Variants in SPAG16 observed in about 807,000 individuals in gnomAD.
SPAG16 encodes the protein sperm-associated antigen 16 protein.
A neutral mutation model predicts 80.4 loss-of-function variants in SPAG16; 86 were observed. That is an observed-to-expected ratio of 1.07 (90% CI 0.90 to 1.28). The LOEUF is 1.28. Ranked by LOEUF, SPAG16 falls within the 50% of genes most tolerant of loss-of-function variation. The pLI, the probability that SPAG16 is intolerant of heterozygous loss-of-function variation, is 0.00. For synonymous variants in SPAG16, 294 were observed against 265.9 expected (o/e 1.11, Z -1.03); for missense variants, 870 against 765.3 (o/e 1.14, Z -1.61).
At chr2:213,495,291 A>G (rs2074433439) in intron 10 of SPAG16, among the ~76,000 whole-genome samples, 1 of 152,190 alleles carries the variant, frequency 6.6e-6, no homozygotes, top group Non-Finnish European at 1.5e-5. Context: ...TTCACTGTTG[A>G]CTTTGAAAGT....
intron 13 of SPAG16, among the ~76,000 whole-genome samples, chr2:214,061,983 A>ACG (rs2050282097): frequency 1.4e-4 from 10 of 70,250 alleles, no homozygotes; most frequent in South Asian, 3.7e-4. Flanking sequence ...AAAAGCATGC[A>ACG]CACACACACA....
chr2:214,112,366 T>G (rs2053709253), intron 14 of SPAG16, among the ~76,000 whole-genome samples: 1 of 152,106 alleles, frequency 6.6e-6, no homozygotes, highest in African/African-American at 2.4e-5. Flanking sequence ...TGGATATCCT[T>G]GTTAACCTTC....
At chr2:213,730,842 G>A (rs1559417410) in intron 10 of SPAG16, among the ~76,000 whole-genome samples, 1 of 151,728 alleles carries the variant, frequency 6.6e-6, no homozygotes, top group African/African-American at 2.4e-5. Flanking sequence ...TCAATGTTGT[G>A]TTGTTTTGTT....
At chr2:213,446,267 G>A (rs115247888) in intron 9 of SPAG16, among the ~76,000 whole-genome samples, 2,201 of 152,298 alleles carry the variant, frequency 0.014, 23 homozygotes, top group South Asian at 0.038. Flanking sequence ...TGAAATGACA[G>A]ACATTGGTTC....
At chr2:214,395,049 CTTTTT>C (rs1015010257) in intron 15 of SPAG16, among the ~76,000 whole-genome samples, 2 of 151,930 alleles carry the variant, frequency 1.3e-5, no homozygotes, top group Non-Finnish European at 1.5e-5. Context: ...TAGCTCATTT[CTTTTT>C]ATCACTGAAG....
chr2:213,788,931 A>G (rs1031625824), intron 10 of SPAG16, among the ~76,000 whole-genome samples: 1 of 151,884 alleles, frequency 6.6e-6, no homozygotes, highest in African/African-American at 2.4e-5. Flanking sequence ...TATTAATTCT[A>G]AGTAGTATAA....
At chr2:213,889,105 C>T (rs1460424971) in intron 11 of SPAG16, among the ~76,000 whole-genome samples, 1 of 151,586 alleles carries the variant, frequency 6.6e-6, no homozygotes, top group Non-Finnish European at 1.5e-5. Context: ...GGTATATTTC[C>T]AAATCTTAAA....
intron 10 of SPAG16, among the ~76,000 whole-genome samples, chr2:213,622,990 G>A (rs941884806): frequency 6.6e-6 from 1 of 152,100 alleles, no homozygotes; most frequent in Non-Finnish European, 1.5e-5. Flanking sequence ...CCTTCCATTT[G>A]TTCTTCACAA....
chr2:214,385,375 A>C (rs1297468357), intron 15 of SPAG16, among the ~76,000 whole-genome samples: 1 of 152,234 alleles, frequency 6.6e-6, no homozygotes, highest in Non-Finnish European at 1.5e-5. Flanking sequence ...CTTATATATC[A>C]GTATCTCATT....
At chr2:213,815,538 T>C (rs1442750833) in intron 10 of SPAG16, among the ~76,000 whole-genome samples, 1 of 152,144 alleles carries the variant, frequency 6.6e-6, no homozygotes, top group East Asian at 1.9e-4. Flanking sequence ...ATTGTGGAAA[T>C]TTTATACAAT....
chr2:213,560,782 A>G (rs2059576492), intron 10 of SPAG16, among the ~76,000 whole-genome samples: 1 of 152,170 alleles, frequency 6.6e-6, no homozygotes. Context: ...TAGTTAGTAA[A>G]AGTTCAGCTT....
chr2:213,945,380 C>G (rs953743692), intron 12 of SPAG16, among the ~76,000 whole-genome samples: 4 of 150,890 alleles, frequency 2.7e-5, no homozygotes, highest in Non-Finnish European at 5.9e-5. Flanking sequence ...CTTACACAAT[C>G]ACAAGGTCCC....
At chr2:213,314,961 T>G (rs2126129018) in intron 4 of SPAG16, among the ~76,000 whole-genome samples, 1 of 151,676 alleles carries the variant, frequency 6.6e-6, no homozygotes, top group East Asian at 1.9e-4. Flanking sequence ...TATGGGGGGG[T>G]CCTCTTGCTC....
rs989427462 is a variant in SPAG16 at position 213,908,554 on chromosome 2, C to T, written c.1215-21406C>T. ...CAGGCAGTGGCTATTCTTTCCTTAA[C>T]GCTGAAATCTACCTCTCTCATTCGA... On this transcript the variant is annotated intron_variant, in intron 11 of 15. Coordinates refer to ENST00000331683, the MANE Select transcript of SPAG16 (RefSeq NM_024532.5). Among the ~76,000 whole-genome samples, 17 of 152,254 alleles carry T rather than the reference C, an allele frequency of 1.1e-4. No individual in the cohort carries two copies. The East Asian group carries it at 2.1e-3, about 19-fold the overall frequency.
intron 10 of SPAG16, among the ~76,000 whole-genome samples, chr2:213,544,473 C>T (rs114226217): frequency 3.2e-4 from 49 of 152,174 alleles, no homozygotes; most frequent in African/African-American, 1.1e-3. Flanking sequence ...TCAACATCCT[C>T]AACCAGAGAG....
At chr2:214,007,464 T>C (rs1045284601) in intron 12 of SPAG16, among the ~76,000 whole-genome samples, 2 of 152,198 alleles carry the variant, frequency 1.3e-5, no homozygotes, top group African/African-American at 4.8e-5. Context: ...TTAAAAAGTT[T>C]GGTATACATT....
intron 10 of SPAG16, among the ~76,000 whole-genome samples, chr2:213,644,676 C>A (rs2062753125): frequency 6.6e-6 from 1 of 152,196 alleles, no homozygotes; most frequent in Non-Finnish European, 1.5e-5. Context: ...GTTCTCTTCC[C>A]TTCCTTTCTC....
chr2:213,990,493 ATAAGT>A (rs1279744933), intron 12 of SPAG16, among the ~76,000 whole-genome samples: 2 of 152,270 alleles, frequency 1.3e-5, no homozygotes, highest in East Asian at 1.9e-4. Flanking sequence ...CAAATAACTG[ATAAGT>A]TAATTGACAC....
At chr2:214,111,625 G>A (rs1369597977) in intron 14 of SPAG16, among the ~76,000 whole-genome samples, 2 of 151,988 alleles carry the variant, frequency 1.3e-5, no homozygotes, top group Admixed American at 6.6e-5. Flanking sequence ...CTCTTTTTTG[G>A]TTCCTGAACT....
Sources: gnomAD v4.1 joint callset for allele counts (sites outside exome capture counted in the v4.1 genomes callset) on GRCh38, gnomAD v4.1.1 for gene constraint, MANE v1.5 for transcripts, NCBI Gene and HGNC (gene_info 2026-07-23, HGNC 2026-07-21) for gene names.